Variants in SH3PXD2B observed in about 807,000 individuals in gnomAD.
SH3PXD2B encodes SH3 and PX domains 2B.
Under a neutral mutation model 73.1 loss-of-function variants are expected in SH3PXD2B, and 37 were observed. That is an observed-to-expected ratio of 0.51 (90% CI 0.39 to 0.67). SH3PXD2B has a LOEUF of 0.67. Among genes scored for constraint, SH3PXD2B ranks in the 30% least tolerant of loss-of-function variants. The pLI, the probability that SH3PXD2B is intolerant of heterozygous loss-of-function variation, is 0.00. For synonymous variants in SH3PXD2B, 457 were observed against 480.5 expected (o/e 0.95, Z 0.64); for missense variants, 1,053 against 1,197.8 (o/e 0.88, Z 1.78).
In SH3PXD2B at chr5:172,394,790, T is replaced by G. The variant is rs1758259867; in HGVS notation, c.233-151A>C. 9 of 760,314 alleles carry G rather than the reference T, an allele frequency of 1.2e-5. No individual in the cohort carries two copies. The East Asian group carries it at 2.2e-4, about 18-fold the overall frequency. 47.1% of individuals were successfully genotyped at this position (760,314 alleles called of 1,614,324 possible). On this transcript the variant is annotated intron_variant, in intron 3 of 12. Coordinates refer to ENST00000311601, the MANE Select transcript of SH3PXD2B (RefSeq NM_001017995.3). ...TCAAGGTACCCCCACTGGACTTCCG[T>G]GAGGCTTGGATAAGCCCATGTGAGG...
chr5:172,406,497 G>A, intron 2 of SH3PXD2B, 145 bp from the exon 3 acceptor site: 1 of 876,306 alleles, frequency 1.1e-6, no homozygotes, highest in Non-Finnish European at 1.8e-6. Flanking sequence ...CCAAACTAAT[G>A]GGAAAGGCAA....
intron 4 of SH3PXD2B, among the ~76,000 whole-genome samples, chr5:172,388,445 A>T (rs955682313): frequency 6.6e-6 from 1 of 152,130 alleles, no homozygotes; most frequent in African/African-American, 2.4e-5. Flanking sequence ...CTGGCCAAAA[A>T]ACTCCAAATA....
In SH3PXD2B at chr5:172,359,014, C is replaced by A. The variant is rs955725626; in HGVS notation, c.563-137G>T. The A allele has an allele frequency of 4.0e-5, 33 of 826,822 alleles. No individual in the cohort carries two copies. The African/African-American group carries it at 4.7e-4, about 12-fold the overall frequency. 51.2% of individuals were successfully genotyped at this position (826,822 alleles called of 1,614,324 possible). A position where few individuals can be genotyped will look rare whatever the true frequency, so the allele number is the denominator to read the frequency against. On this transcript the variant is annotated intron_variant, in intron 7 of 12. Transcript: ENST00000311601. The stretch of plus-strand genomic sequence containing the variant: ...AAGTTACCATTTTATTGGTAGAACA[C>A]AACTACCAATGTTACCTGCTAACTG...
intron 2 of SH3PXD2B, among the ~76,000 whole-genome samples, chr5:172,420,235 A>C (rs764711564): frequency 2.0e-5 from 3 of 152,258 alleles, no homozygotes; most frequent in Non-Finnish European, 2.9e-5. Context: ...GCAGAGCAGA[A>C]GCAAAAATAT....
intron 4 of SH3PXD2B, among the ~76,000 whole-genome samples, chr5:172,388,754 T>TG (rs1758108301): frequency 6.6e-6 from 1 of 152,224 alleles, no homozygotes; most frequent in South Asian, 2.1e-4. Context: ...CAACAGATTC[T>TG]GGGGAAGTTA....
intron 12 of SH3PXD2B, among the ~76,000 whole-genome samples, chr5:172,326,857 ATT>A (rs1175095358): frequency 8.1e-5 from 11 of 135,562 alleles, no homozygotes; most frequent in Admixed American, 7.5e-5. Context: ...ATGTCTCAAG[ATT>A]TTTTTTTTTT....
intron 1 of SH3PXD2B, among the ~76,000 whole-genome samples, chr5:172,438,554 C>T (rs1225067416): frequency 1.3e-5 from 2 of 152,210 alleles, no homozygotes; most frequent in Non-Finnish European, 2.9e-5. Flanking sequence ...CGTGAAATAG[C>T]TGAATGAACA....
At chr5:172,325,386 T>C (rs1200577357) in intron 12 of SH3PXD2B, 12 of 1,526,582 alleles carry the variant, frequency 7.9e-6, no homozygotes, top group African/African-American at 1.4e-5. Flanking sequence ...TGATCCTAGA[T>C]GAATGCAGGG....
intron 10 of SH3PXD2B, among the ~76,000 whole-genome samples, chr5:172,348,654 CCT>C (rs1757061925): frequency 5.0e-5 from 3 of 60,398 alleles, no homozygotes; most frequent in Non-Finnish European, 7.1e-5. Flanking sequence ...ATCTATCTAT[CCT>C]ATCTATCTAT....
chr5:172,328,583 G>A (rs1756489219), downstream of SH3PXD2B, among the ~76,000 whole-genome samples: 1 of 152,134 alleles, frequency 6.6e-6, no homozygotes, highest in Non-Finnish European at 1.5e-5. Context: ...AGTGGGATCT[G>A]AGAGATAGAG....
intron 6 of SH3PXD2B, among the ~76,000 whole-genome samples, chr5:172,368,553 A>ATATATAATATATATG (rs1757602232): frequency 1.4e-4 from 2 of 14,776 alleles, no homozygotes; most frequent in Non-Finnish European, 1.9e-4. Context: ...ATATATATAT[A>ATATATAATATATATG]TTATATATAT....
At position 172,406,468 on chromosome 5, in the gene SH3PXD2B, C is replaced by T. The variant is rs10476024; in HGVS notation, c.157-116G>A. 0.015 allele frequency: 18,427 copies of T among 1,207,648 alleles called. 1,418 individuals are homozygous for T. In the African/African-American group the frequency reaches 0.2, roughly 13 times the overall value. The allele number at this position is 1,207,648 out of a possible 1,614,324, so 74.8% of individuals were successfully genotyped here. On this transcript the variant is annotated intron_variant, in intron 2 of 12. Transcript: ENST00000311601. ...GATGTGATATACTAAAAGTTCACTG[C>T]GTTCAGCTTTCCAGAAACCCAAACT... is the stretch of plus-strand genomic sequence containing the variant.
chr5:172,402,045 C>A (rs1758430816), intron 3 of SH3PXD2B, among the ~76,000 whole-genome samples: 3 of 152,330 alleles, frequency 2.0e-5, no homozygotes, highest in Admixed American at 2.0e-4. Context: ...CGGAACAGAG[C>A]CATATTTCTC....
At chr5:172,367,792 A>G (rs959596046) in intron 6 of SH3PXD2B, among the ~76,000 whole-genome samples, 1 of 151,994 alleles carries the variant, frequency 6.6e-6, no homozygotes, top group African/African-American at 2.4e-5. Context: ...CCCTTTCCTC[A>G]TTACTACTGG....
chr5:172,336,118 C>T lies in SH3PXD2B; in HGVS notation c.*2251G>A, dbSNP rs901630475. 9 of 987,652 alleles carry T rather than the reference C, an allele frequency of 9.1e-6. No homozygotes were observed. In the African/African-American group the frequency reaches 1.6e-4, roughly 17 times the overall value. The allele number at this position is 987,652 out of a possible 1,614,324, so 61.2% of individuals were successfully genotyped here. A position where few individuals can be genotyped will look rare whatever the true frequency, so the allele number is the denominator to read the frequency against. On this transcript the variant is annotated 3_prime_UTR_variant, in exon 13 of 13. Coordinates refer to ENST00000311601, the MANE Select transcript of SH3PXD2B (RefSeq NM_001017995.3). ...GCCAGGGATGGAGCCACACACATCC[C>T]AGTCTACTCAGCACCTAGCACAGAG...
chr5:172,408,039 T>G (rs1455798826), intron 2 of SH3PXD2B, among the ~76,000 whole-genome samples: 2 of 152,028 alleles, frequency 1.3e-5, no homozygotes, highest in East Asian at 3.9e-4. Context: ...TTTGGTGCTG[T>G]TCTACACGAT....
intron 7 of SH3PXD2B, among the ~76,000 whole-genome samples, chr5:172,362,316 C>T (rs1453374471): frequency 6.6e-6 from 1 of 152,132 alleles, no homozygotes; most frequent in Non-Finnish European, 1.5e-5. Context: ...GACCAGTGGT[C>T]CCTGTGATGG....
chr5:172,452,503 C>A (rs1281390993), intron 1 of SH3PXD2B, among the ~76,000 whole-genome samples: 1 of 152,134 alleles, frequency 6.6e-6, no homozygotes, highest in Non-Finnish European at 1.5e-5. Context: ...GATCTACATC[C>A]CTGCTTGGCT....
rs1356157712 is a variant in SH3PXD2B at position 172,339,944 on chromosome 5, T to G, written c.1189-28A>C. 1 of 1,613,664 alleles carries G rather than the reference T, an allele frequency of 6.2e-7. No homozygotes were observed. Among genetic ancestry groups the G allele is most frequent in the African/African-American group, 1.3e-5 (1 of 74,922 alleles). ...GCAAGGGAGGATAGAGAAAGGCACT[T>G]GGCTACGATGCCAGGGCCAGCAGAT... On this transcript the variant is annotated intron_variant, in intron 12 of 12. Coordinates refer to ENST00000311601, the MANE Select transcript of SH3PXD2B (RefSeq NM_001017995.3). The surrounding 1 kb of genome is among the most constrained non-coding windows in gnomAD (Gnocchi z 6.1).
Sources: allele counts gnomAD v4.1 joint callset (sites outside exome capture counted in the v4.1 genomes callset), GRCh38; gene constraint gnomAD v4.1.1; non-coding constraint Gnocchi (gnomAD v3.1); transcripts MANE v1.5; gene names NCBI Gene and HGNC (gene_info 2026-07-23, HGNC 2026-07-21).